MKLN1: variants seen among roughly 807,000 people sequenced by gnomAD.
MKLN1 encodes muskelin.
A neutral mutation model predicts 99.0 loss-of-function variants in MKLN1; 18 were observed. The observed-to-expected ratio is 0.18, with a 90% CI of 0.13 to 0.27. The LOEUF is 0.27. MKLN1 is among the 10% of genes least tolerant of loss of function. The pLI is 1.00. For missense variants in MKLN1, 621 were observed against 875.9 expected, an observed-to-expected ratio of 0.71 and a Z score of 3.67; for synonymous variants, 288 against 293.2, an observed-to-expected ratio of 0.98 and a Z score of 0.18.
chr7:131,409,316 T>C (rs541212729), intron 6 of MKLN1, among the ~76,000 whole-genome samples: 43 of 152,324 alleles, frequency 2.8e-4, no homozygotes, highest in Non-Finnish European at 5.0e-4. Context: ...TGGAGATTAT[T>C]TGGGATGCAG....
intron 2 of MKLN1, among the ~76,000 whole-genome samples, chr7:131,375,997 C>A (rs1296948268): frequency 6.7e-6 from 1 of 149,310 alleles, no homozygotes; most frequent in African/African-American, 2.5e-5. Flanking sequence ...ATTAGGCACA[C>A]GTATGTCCAT....
At chr7:131,461,094 T>A (rs1237612094) in intron 12 of MKLN1, among the ~76,000 whole-genome samples, 1 of 152,166 alleles carries the variant, frequency 6.6e-6, no homozygotes, top group Non-Finnish European at 1.5e-5. Flanking sequence ...CGTGATATGG[T>A]GTAACCTACG....
chr7:131,212,281 C>G (rs10954307), intron 3 of MKLN1, among the ~76,000 whole-genome samples: 27,675 of 152,226 alleles, frequency 0.18, 2,951 homozygotes, highest in Non-Finnish European at 0.25. Flanking sequence ...TCCCTGAAGG[C>G]TGTTTTGAGG....
At chr7:131,399,494 A>G in intron 6 of MKLN1, 61 bp downstream of exon 6, 1 of 1,385,546 alleles carries the variant, frequency 7.2e-7, no homozygotes, top group Non-Finnish European at 1.0e-6. Flanking sequence ...CTTTTTCTCA[A>G]AAATAATATA....
At chr7:131,408,995 CTGTT>C (rs1452044711) in intron 6 of MKLN1, among the ~76,000 whole-genome samples, 1 of 152,132 alleles carries the variant, frequency 6.6e-6, no homozygotes, top group African/African-American at 2.4e-5. Context: ...TTTTATCTGA[CTGTT>C]CTGATCTCTT....
intron 5 of MKLN1, 121 bp from the exon 6 acceptor site, chr7:131,399,120 G>A: frequency 2.4e-6 from 2 of 824,242 alleles, no homozygotes. Context: ...TTAGTAAACT[G>A]CTTGGCACAT....
chr7:131,156,372 CA>C (rs1294612005), intron 2 of MKLN1, among the ~76,000 whole-genome samples: 3 of 123,436 alleles, frequency 2.4e-5, no homozygotes, highest in African/African-American at 9.3e-5. Context: ...CTAAAAAATA[CA>C]AAAAATTAGC....
chr7:131,327,696 C>T, upstream of MKLN1: 1 of 871,344 alleles, frequency 1.1e-6, no homozygotes, highest in South Asian at 1.9e-5. Flanking sequence ...ACCTCAGACC[C>T]AGTGTCGGTC....
intron 2 of MKLN1, among the ~76,000 whole-genome samples, chr7:131,156,547 G>T (rs558054089): frequency 5.9e-5 from 9 of 151,430 alleles, no homozygotes; most frequent in Non-Finnish European, 1.0e-4. Context: ...GCGATGTGCA[G>T]ATACTACTCT....
chr7:131,126,364 G>A (rs994866419), intron 1 of MKLN1, among the ~76,000 whole-genome samples: 3 of 152,098 alleles, frequency 2.0e-5, no homozygotes, highest in Non-Finnish European at 4.4e-5. Context: ...CATTGAATGG[G>A]GCAGACTGTC....
At chr7:131,433,330 TCTC>T (rs1795581852) in intron 9 of MKLN1, among the ~76,000 whole-genome samples, 1 of 152,194 alleles carries the variant, frequency 6.6e-6, no homozygotes, top group Non-Finnish European at 1.5e-5. Context: ...CACATTAGCA[TCTC>T]CTCCATATAT....
intron 2 of MKLN1, among the ~76,000 whole-genome samples, chr7:131,185,401 A>C (rs963626986): frequency 6.8e-6 from 1 of 146,920 alleles, no homozygotes; most frequent in Non-Finnish European, 1.5e-5. Context: ...AACATGGTGA[A>C]ACCTCGTCTC....
At chr7:131,228,285 T>C (rs1007180735) in intron 3 of MKLN1, among the ~76,000 whole-genome samples, 6 of 152,190 alleles carry the variant, frequency 3.9e-5, no homozygotes, top group Admixed American at 2.0e-4. Context: ...GTCTCAGCAA[T>C]AGAACATTCT....
chr7:131,247,569 CT>C (rs1465351751), intron 3 of MKLN1, among the ~76,000 whole-genome samples: 2 of 152,084 alleles, frequency 1.3e-5, no homozygotes, highest in Non-Finnish European at 2.9e-5. Flanking sequence ...CCTTTGCCCC[CT>C]CAAATACAAT....
At chr7:131,220,028 T>TA (rs1456278013) in intron 3 of MKLN1, among the ~76,000 whole-genome samples, 1 of 151,868 alleles carries the variant, frequency 6.6e-6, no homozygotes, top group African/African-American at 2.4e-5. Flanking sequence ...CTTCCGACCT[T>TA]CCCCCCTCAC....
intron 3 of MKLN1, among the ~76,000 whole-genome samples, chr7:131,281,494 G>A (rs1400458772): frequency 6.6e-6 from 1 of 151,958 alleles, no homozygotes; most frequent in Non-Finnish European, 1.5e-5. Context: ...TCCTCTTCAA[G>A]ATTGTTTTGG....
intron 1 of MKLN1, among the ~76,000 whole-genome samples, chr7:131,372,655 T>C (rs890173741): frequency 1.3e-5 from 2 of 151,866 alleles, no homozygotes; most frequent in East Asian, 3.8e-4. Flanking sequence ...CCTCCATTGT[T>C]AGTTTATTTA....
intron 8 of MKLN1, among the ~76,000 whole-genome samples, chr7:131,417,539 T>C (rs1795055017): frequency 6.6e-6 from 1 of 152,242 alleles, no homozygotes; most frequent in Admixed American, 6.5e-5. Flanking sequence ...GAAACAGTAC[T>C]AACTATACGT....
At chr7:131,178,948 C>T (rs934227677) in intron 2 of MKLN1, among the ~76,000 whole-genome samples, 2 of 152,004 alleles carry the variant, frequency 1.3e-5, no homozygotes, top group African/African-American at 4.8e-5. Flanking sequence ...GTGTATTATA[C>T]TTCATTATTG....
Sources: allele counts gnomAD v4.1 joint callset (sites outside exome capture counted in the v4.1 genomes callset), GRCh38; gene constraint gnomAD v4.1.1; transcripts MANE v1.5; gene names NCBI Gene and HGNC (gene_info 2026-07-23, HGNC 2026-07-21).